CDH4: variants seen among roughly 807,000 people sequenced by gnomAD.
CDH4 encodes the protein cadherin 4.
In CDH4, 33 loss-of-function variants were observed where a neutral mutation model predicts 86.0. The ratio of observed to expected loss-of-function variants is 0.38; its 90% confidence interval spans 0.29 to 0.51. The LOEUF (loss-of-function observed/expected upper bound fraction) is 0.51, where lower values mean the gene tolerates loss of function less well. Ranked by LOEUF, CDH4 falls within the 20% of genes least tolerant of loss-of-function variation. CDH4 has a pLI of 0.86. For synonymous variants in CDH4, 555 were observed against 549.4 expected (o/e 1.01, Z -0.14); for missense variants, 1,114 against 1,307.4 (o/e 0.85, Z 2.28).
intron 2 of CDH4, among the ~76,000 whole-genome samples, chr20:61,406,860 A>C (rs1241290835): frequency 4.1e-5 from 5 of 122,022 alleles, no homozygotes; most frequent in African/African-American, 9.8e-5. Flanking sequence ...ACCATCTGCC[A>C]TCTGCTCTGC....
At chr20:61,526,027 A>ACGAGTTATCTTGCCCAAGAAC (rs1199864638) in intron 2 of CDH4, among the ~76,000 whole-genome samples, 1 of 152,342 alleles carries the variant, frequency 6.6e-6, no homozygotes, top group East Asian at 1.9e-4. Context: ...GTTCCAAGAA[A>ACGAGTTATCTTGCCCAAGAAC]CGAGTTATCT....
At chr20:61,424,631 T>C (rs1030329979) in intron 2 of CDH4, among the ~76,000 whole-genome samples, 2 of 152,178 alleles carry the variant, frequency 1.3e-5, no homozygotes, top group African/African-American at 4.8e-5. Context: ...AGGCCAGGGA[T>C]GTCCCCTGTC....
At chr20:61,586,585 A>C (rs1024859567) in intron 2 of CDH4, among the ~76,000 whole-genome samples, 3 of 152,214 alleles carry the variant, frequency 2.0e-5, no homozygotes, top group Non-Finnish European at 4.4e-5. Context: ...CATTTTCTGA[A>C]GGAAAATTAA....
Position 61,754,958 on chromosome 20 carries a change from G to C in CDH4, c.396+11169G>C, listed in dbSNP as rs1042761332. 2 of 152,364 alleles carry C rather than the reference G, an allele frequency of 1.3e-5. No individual in the cohort carries two copies. Among genetic ancestry groups the C allele is most frequent in the Non-Finnish European group, 1.5e-5 (1 of 68,078 alleles). 9.4% of individuals were successfully genotyped at this position (152,364 alleles called of 1,614,324 possible). ...ACACTACTGATAAAGACATACTCGAGACTGGGAAGAAAAAGAGGTTTAGTT... is the reference window on the plus strand; with the variant it reads ...ACACTACTGATAAAGACATACTCGACACTGGGAAGAAAAAGAGGTTTAGTT... On this transcript the variant is annotated intron_variant, in intron 3 of 15. Coordinates refer to ENST00000614565, the MANE Select transcript of CDH4 (RefSeq NM_001794.5). This position sits in a 1 kb window ranked among gnomAD's most constrained non-coding sequence, Gnocchi z 4.7.
intron 2 of CDH4, among the ~76,000 whole-genome samples, chr20:61,492,996 A>T (rs181071648): frequency 2.0e-5 from 3 of 152,308 alleles, no homozygotes; most frequent in East Asian, 3.9e-4. Flanking sequence ...TCAGCCTGGG[A>T]TGGTCAACCA....
At chr20:61,686,739 GTGTGCATA>G (rs2087583331) in intron 2 of CDH4, among the ~76,000 whole-genome samples, 1 of 151,734 alleles carries the variant, frequency 6.6e-6, no homozygotes, top group African/African-American at 2.4e-5. Context: ...TCGTGCGTGT[GTGTGCATA>G]TGTGTATATG....
chr20:61,801,283 C>T lies in CDH4; in HGVS notation c.576+28101C>T, dbSNP rs1264550250. On this transcript the variant is annotated intron_variant, in intron 4 of 15. Coordinates refer to ENST00000614565, the MANE Select transcript of CDH4 (RefSeq NM_001794.5). ...ACATTGGGGGAGTGGGGTCAGGCAG[C>T]CTCTGGGCAGGGCCAGGGTGTCCAG... is the stretch of plus-strand genomic sequence containing the variant. 2.0e-5 allele frequency among the ~76,000 whole-genome samples: 3 copies of T among 152,196 alleles called. No homozygotes were observed. In the East Asian group the frequency reaches 5.8e-4, roughly 29 times the overall value.
At chr20:61,381,291 G>A (rs952397285) in intron 2 of CDH4, among the ~76,000 whole-genome samples, 7 of 152,186 alleles carry the variant, frequency 4.6e-5, no homozygotes, top group African/African-American at 1.7e-4. Context: ...TATCACCAGG[G>A]CCCAATCAGG....
At chr20:61,859,906 C>A (rs182753562) in intron 6 of CDH4, among the ~76,000 whole-genome samples, 1 of 152,394 alleles carries the variant, frequency 6.6e-6, no homozygotes, top group East Asian at 1.9e-4. Context: ...CGTACTCAGC[C>A]CCCTCCTCAG....
At chr20:61,871,397 G>A (rs1392978142) in intron 6 of CDH4, among the ~76,000 whole-genome samples, 2 of 152,136 alleles carry the variant, frequency 1.3e-5, no homozygotes, top group South Asian at 4.1e-4. Context: ...CTTTTAAAAA[G>A]GAGGCTGTGT....
chr20:61,910,641 C>G (rs775593229), intron 9 of CDH4, 34 bp downstream of exon 9: 11 of 1,581,422 alleles, frequency 7.0e-6, no homozygotes, highest in Non-Finnish European at 9.5e-6. Flanking sequence ...CCAGGCACCC[C>G]AAGTTCTGCC....
At chr20:61,860,005 G>GCTT (rs946210057) in intron 6 of CDH4, among the ~76,000 whole-genome samples, 10 of 152,260 alleles carry the variant, frequency 6.6e-5, no homozygotes, top group Non-Finnish European at 1.0e-4. Flanking sequence ...CCTTCCCACT[G>GCTT]CTTCACACAT....
intron 2 of CDH4, among the ~76,000 whole-genome samples, chr20:61,644,690 A>G (rs921837017): frequency 9.9e-5 from 15 of 152,170 alleles, no homozygotes; most frequent in African/African-American, 3.6e-4. Context: ...CTTCTTCAAC[A>G]ACATCAACAA....
chr20:61,742,556 A>G (rs2088355403), intron 2 of CDH4, among the ~76,000 whole-genome samples: 1 of 151,878 alleles, frequency 6.6e-6, no homozygotes, highest in Non-Finnish European at 1.5e-5. Context: ...AAATTGCTTG[A>G]AAAACCAATC....
At chr20:61,505,690 T>C (rs2085735426) in intron 2 of CDH4, among the ~76,000 whole-genome samples, 2 of 142,962 alleles carry the variant, frequency 1.4e-5, no homozygotes, top group South Asian at 4.5e-4. Context: ...CTTGGCATCC[T>C]GCCTGGCAAG....
At chr20:61,682,235 T>C (rs115517004) in intron 2 of CDH4, among the ~76,000 whole-genome samples, 6,904 of 150,158 alleles carry the variant, frequency 0.046, 296 homozygotes, top group African/African-American at 0.1. Context: ...GATGGATGGA[T>C]GGTTGGACAA....
intron 2 of CDH4, among the ~76,000 whole-genome samples, chr20:61,693,744 T>A (rs1446162010): frequency 6.6e-6 from 1 of 152,210 alleles, no homozygotes; most frequent in Non-Finnish European, 1.5e-5. Flanking sequence ...CAGGCAGAAG[T>A]GGAGCATGCA....
At position 61,550,065 on chromosome 20, in the gene CDH4, CTCCCTAGCCTGCT is replaced by C. The variant is rs1444982528; in HGVS notation, c.170-193492_170-193480del. Among the ~76,000 whole-genome samples, 23 of 148,864 alleles carry C rather than the reference CTCCCTAGCCTGCT, an allele frequency of 1.5e-4. 1 individual carries two copies. Among genetic ancestry groups the C allele is most frequent in the Admixed American group, 3.3e-4 (5 of 15,020 alleles). The stretch of plus-strand genomic sequence containing the variant: ...GCCTCCCTGCCCCAACCTCCCTGGC[CTCCCTAGCCTGCT>C]TCCCTGGCCTCCCTGCCCCAGCTTC... On this transcript the variant is annotated intron_variant, in intron 2 of 15. Coordinates refer to ENST00000614565, the MANE Select transcript of CDH4 (RefSeq NM_001794.5).
At chr20:61,678,497 G>A (rs969493992) in intron 2 of CDH4, among the ~76,000 whole-genome samples, 46 of 152,322 alleles carry the variant, frequency 3.0e-4, no homozygotes, top group Non-Finnish European at 4.7e-4. Flanking sequence ...TGTGGTGGGC[G>A]CAATGACACC....
Sources: gnomAD v4.1 joint callset for allele counts (sites outside exome capture counted in the v4.1 genomes callset) on GRCh38, gnomAD v4.1.1 for gene constraint, Gnocchi (gnomAD v3.1) non-coding constraint, MANE v1.5 for transcripts, NCBI Gene and HGNC (gene_info 2026-07-23, HGNC 2026-07-21) for gene names.